The following KLB variants were observed in gnomAD, a reference collection of about 807,000 sequenced individuals.
The protein encoded by KLB is beta-klotho.
KLB carries 44 observed loss-of-function variants against 88.4 expected under a neutral mutation model. That is an observed-to-expected ratio of 0.50 (90% CI 0.39 to 0.64). The LOEUF (loss-of-function observed/expected upper bound fraction) is 0.64, where lower values mean the gene tolerates loss of function less well. Among genes scored for constraint, KLB ranks in the 30% least tolerant of loss-of-function variants. The pLI, the probability that KLB is intolerant of heterozygous loss-of-function variation, is 0.00. For missense variants in KLB, 1,137 were observed against 1,304.8 expected (o/e 0.87, Z 1.98); for synonymous variants, 548 against 513.4 (o/e 1.07, Z -0.91).
chr4:39,412,861 C>T lies in KLB; in HGVS notation c.825+5087C>T, dbSNP rs115350190. Among the ~76,000 whole-genome samples the T allele has an allele frequency of 3.1e-3, 478 of 152,288 alleles. 1 individual carries two copies. Among genetic ancestry groups the T allele is most frequent in the African/African-American group, 0.011 (463 of 41,564 alleles). On this transcript the variant is annotated intron_variant, in intron 1 of 4. Coordinates refer to ENST00000257408, the MANE Select transcript of KLB (RefSeq NM_175737.4). Reference sequence around the variant, plus strand: ...TAAATGAATGGTTTAGGATTTCTGTCTTAAATACTGTAATCAAAAACTAAT... The same window carrying T: ...TAAATGAATGGTTTAGGATTTCTGTTTTAAATACTGTAATCAAAAACTAAT...
At chr4:39,442,826 A>G (rs969131196) in intron 3 of KLB, among the ~76,000 whole-genome samples, 3 of 152,200 alleles carry the variant, frequency 2.0e-5, no homozygotes, top group Non-Finnish European at 4.4e-5. Flanking sequence ...AGAACAGGAC[A>G]TTCTTATTAT....
chr4:39,435,742 T>C (rs560312088), intron 2 of KLB, among the ~76,000 whole-genome samples: 2 of 152,350 alleles, frequency 1.3e-5, no homozygotes, highest in East Asian at 3.9e-4. Context: ...TTGTCCAATG[T>C]TGACAGCACT....
At chr4:39,411,623 G>A (rs1390695732) in intron 1 of KLB, among the ~76,000 whole-genome samples, 1 of 150,682 alleles carries the variant, frequency 6.6e-6, no homozygotes, top group African/African-American at 2.4e-5. Flanking sequence ...GGATTCAAGC[G>A]ATTCTCCCGC....
Position 39,434,219 on chromosome 4 carries a change from A to T in KLB, c.835A>T (p.Lys279Ter). Reference protein sequence around the residue: ...VGHNLIKAHSKVWHNYNTHFR... With the variant: ...VGHNLIKAHS ...TATTTTCTTCTTTTAGGCTCACTCGAAAGTTTGGCATAACTACAACACACA... is the reference window on the plus strand; with the variant it reads ...TATTTTCTTCTTTTAGGCTCACTCGTAAGTTTGGCATAACTACAACACACA... Residue 279 changes from lysine (K) to a stop codon, truncating the protein, a stop_gained, in exon 2 of 5, where the codon AAA becomes TAA. Transcript: ENST00000257408. LOFTEE classifies it high-confidence loss of function. 2 of 1,603,984 alleles carry T rather than the reference A, an allele frequency of 1.2e-6. No individual in the cohort carries two copies. Among genetic ancestry groups the T allele is most frequent in the South Asian group, 2.2e-5 (2 of 89,748 alleles).
intron 1 of KLB, among the ~76,000 whole-genome samples, chr4:39,429,057 C>A (rs1743281891): frequency 1.3e-5 from 2 of 152,146 alleles, no homozygotes; most frequent in South Asian, 4.1e-4. Flanking sequence ...TGGGTGGGAA[C>A]ACAGAAATAT....
At chr4:39,416,327 TA>T (rs1020156651) in intron 1 of KLB, among the ~76,000 whole-genome samples, 24 of 152,078 alleles carry the variant, frequency 1.6e-4, no homozygotes, top group Non-Finnish European at 7.4e-5. Flanking sequence ...TAATTAAAAG[TA>T]AAAAAATAAG....
chr4:39,433,260 C>A (rs553324865), intron 1 of KLB, among the ~76,000 whole-genome samples: 1 of 152,288 alleles, frequency 6.6e-6, no homozygotes, highest in South Asian at 2.1e-4. Context: ...CCTAAGGTTA[C>A]ACAATGAGTA....
chr4:39,429,753 T>C (rs1743302821), intron 1 of KLB, among the ~76,000 whole-genome samples: 1 of 152,148 alleles, frequency 6.6e-6, no homozygotes, highest in African/African-American at 2.4e-5. Flanking sequence ...CCTTTATGAG[T>C]GCCCAACCAA....
rs748232798 is a variant in KLB, at chr4:39,407,693, T to C, written c.744T>C (p.His248=). 1 of 1,614,192 alleles carries C rather than the reference T, an allele frequency of 6.2e-7. No homozygotes were observed. Among genetic ancestry groups the C allele is most frequent in the Non-Finnish European group, 8.5e-7 (1 of 1,179,996 alleles). Residue 248 remains histidine (H), a synonymous_variant, in exon 1 of 5, where the codon CAT becomes CAC. Transcript: ENST00000257408. ...TIHNPYLVAW[H]GYGTGMHAPG... is the part of the protein sequence containing the mutation. ...ACAACCCATATCTAGTGGCTTGGCA[T>C]GGGTATGGGACAGGTATGCATGCCC...
chr4:39,438,480 A>C (rs1743529179), intron 3 of KLB, among the ~76,000 whole-genome samples: 1 of 152,124 alleles, frequency 6.6e-6, no homozygotes, highest in Non-Finnish European at 1.5e-5. Flanking sequence ...AGCTGTCCTC[A>C]AAAGTCACCT....
chr4:39,423,706 AG>A (rs1319573440), intron 1 of KLB, among the ~76,000 whole-genome samples: 1 of 151,854 alleles, frequency 6.6e-6, no homozygotes, highest in East Asian at 1.9e-4. Context: ...ATTCTAGGCC[AG>A]GCCCTCCCCT....
At position 39,446,469 on chromosome 4, in the gene KLB, C is replaced by T. The variant is rs1159275003; in HGVS notation, c.1743C>T (p.Asn581=). The change falls in exon 4 of 5, where the codon AAC becomes AAT. Residue 581 remains asparagine (N), a synonymous_variant. Coordinates refer to ENST00000257408, the MANE Select transcript of KLB (RefSeq NM_175737.4). The surrounding 1 kb of genome is among the most constrained non-coding windows in gnomAD (Gnocchi z 6.4). ...CCGCTCAATGCACAGATTTTGTAAA[C>T]ATCAAAAAACAACTTGAGATGTTGG... The part of the protein sequence containing the change: ...TRPAQCTDFV[N]IKKQLEMLAR... 2 of 1,614,072 alleles carry T rather than the reference C, an allele frequency of 1.2e-6. No homozygotes were observed. Among genetic ancestry groups the T allele is most frequent in the Non-Finnish European group, 8.5e-7 (1 of 1,180,042 alleles).
At chr4:39,422,986 C>T (rs1411711927) in intron 1 of KLB, among the ~76,000 whole-genome samples, 1 of 151,718 alleles carries the variant, frequency 6.6e-6, no homozygotes, top group Non-Finnish European at 1.5e-5. Context: ...AGGCTGGTCT[C>T]AAACTCCTGA....
At chr4:39,426,836 C>G (rs1038096358) in intron 1 of KLB, among the ~76,000 whole-genome samples, 10 of 151,922 alleles carry the variant, frequency 6.6e-5, no homozygotes, top group African/African-American at 9.7e-5. Context: ...TACAGGCATG[C>G]CACCATGCCT....
chr4:39,431,657 G>A (rs1430827295), intron 1 of KLB, among the ~76,000 whole-genome samples: 1 of 152,182 alleles, frequency 6.6e-6, no homozygotes, highest in Non-Finnish European at 1.5e-5. Flanking sequence ...TATACCTCAA[G>A]GAATTTATTT....
At chr4:39,439,379 G>A (rs747961770) in intron 3 of KLB, among the ~76,000 whole-genome samples, 4 of 152,022 alleles carry the variant, frequency 2.6e-5, no homozygotes, top group Non-Finnish European at 4.4e-5. Flanking sequence ...AGTTACCTAG[G>A]TCTGTCTTCC....
At chr4:39,430,627 G>T (rs1348196415) in intron 1 of KLB, among the ~76,000 whole-genome samples, 9 of 127,286 alleles carry the variant, frequency 7.1e-5, no homozygotes, top group African/African-American at 2.6e-4. Flanking sequence ...TTGAGACAGA[G>T]TCTTGCTCTG....
At position 39,407,300 on chromosome 4, in the gene KLB, C is replaced by T. The variant is rs758169991; in HGVS notation, c.351C>T (p.His117=). ...TATGGGATCATTTCATCCACACACACCTTAAAAATGTCAGCAGCACGAATG... is the reference window on the plus strand; with the variant it reads ...TATGGGATCATTTCATCCACACACATCTTAAAAATGTCAGCAGCACGAATG... The part of the protein sequence containing the change: ...PSIWDHFIHT[H]LKNVSSTNGS... Residue 117 remains histidine (H), a synonymous_variant, in exon 1 of 5, where the codon CAC becomes CAT. Coordinates refer to ENST00000257408, the MANE Select transcript of KLB (RefSeq NM_175737.4). The T allele has an allele frequency of 6.2e-7, 1 of 1,614,034 alleles. No individual in the cohort carries two copies. The highest frequency in any genetic ancestry group is 2.2e-5 in the East Asian group (1 of 44,880).
chr4:39,427,085 C>A (rs1033536619), intron 1 of KLB, among the ~76,000 whole-genome samples: 1 of 152,132 alleles, frequency 6.6e-6, no homozygotes, highest in Non-Finnish European at 1.5e-5. Flanking sequence ...AGTAGGCTGG[C>A]ACAGAGACAG....
Sources: gnomAD v4.1 joint callset for allele counts (sites outside exome capture counted in the v4.1 genomes callset) on GRCh38, gnomAD v4.1.1 for gene constraint, Gnocchi (gnomAD v3.1) non-coding constraint, MANE v1.5 for transcripts, NCBI Gene and HGNC (gene_info 2026-07-23, HGNC 2026-07-21) for gene names.